The following GRM3 variants were observed in gnomAD, a reference collection of about 807,000 sequenced individuals.
GRM3 encodes the protein glutamate metabotropic receptor 3, also known as metabotropic glutamate receptor 3.
A neutral mutation model predicts 70.5 loss-of-function variants in GRM3; 26 were observed. That is an observed-to-expected ratio of 0.37 (90% CI 0.27 to 0.51). The LOEUF (loss-of-function observed/expected upper bound fraction) is 0.51. Ranked by LOEUF, GRM3 falls within the 20% of genes least tolerant of loss-of-function variation. The pLI is 0.93. For synonymous variants in GRM3, 443 were observed against 434.9 expected (o/e 1.02, Z -0.23); for missense variants, 859 against 1,123.8 (o/e 0.76, Z 3.37).
At chr7:86,665,297 A>G (rs1301797183) in intron 1 of GRM3, among the ~76,000 whole-genome samples, 1 of 152,060 alleles carries the variant, frequency 6.6e-6, no homozygotes, top group Admixed American at 6.6e-5. Flanking sequence ...AAATTTCTCC[A>G]GACTTCAATA....
chr7:86,843,003 C>T (rs1452659072), intron 4 of GRM3, among the ~76,000 whole-genome samples: 1 of 152,000 alleles, frequency 6.6e-6, no homozygotes, highest in Non-Finnish European at 1.5e-5. Flanking sequence ...AGAAGGAAGC[C>T]ATATCAGTCT....
At chr7:86,694,511 C>CAAAA (rs1226119828) in intron 1 of GRM3, among the ~76,000 whole-genome samples, 20 of 37,264 alleles carry the variant, frequency 5.4e-4, no homozygotes, top group East Asian at 1.5e-3. Flanking sequence ...GACTCTGTCT[C>CAAAA]AAAAAAAAAA....
At chr7:86,690,086 C>G (rs1372610511) in intron 1 of GRM3, among the ~76,000 whole-genome samples, 1 of 152,022 alleles carries the variant, frequency 6.6e-6, no homozygotes, top group East Asian at 1.9e-4. Context: ...GTTTCCACGA[C>G]AAACAATGAC....
intron 1 of GRM3, among the ~76,000 whole-genome samples, chr7:86,696,283 T>G (rs1156855579): frequency 6.6e-6 from 1 of 152,146 alleles, no homozygotes; most frequent in African/African-American, 2.4e-5. Context: ...ATTATCCAAG[T>G]GGGCTCAAAG....
intron 1 of GRM3, among the ~76,000 whole-genome samples, chr7:86,739,119 A>G (rs946109378): frequency 4.6e-5 from 7 of 152,152 alleles, no homozygotes; most frequent in Non-Finnish European, 7.4e-5. Flanking sequence ...CTGGGACTAC[A>G]GGCACCGCCA....
chr7:86,652,461 G>C (rs1035934910), intron 1 of GRM3, among the ~76,000 whole-genome samples: 2 of 152,128 alleles, frequency 1.3e-5, no homozygotes, highest in African/African-American at 2.4e-5. Flanking sequence ...CTCCCAAGTA[G>C]CTGGGATTAC....
At chr7:86,655,782 A>AAAC (rs1793719572) in intron 1 of GRM3, among the ~76,000 whole-genome samples, 1 of 151,760 alleles carries the variant, frequency 6.6e-6, no homozygotes, top group Admixed American at 6.6e-5. Context: ...CCTACCTGAC[A>AAAC]AACTTCACAC....
chr7:86,709,273 C>T (rs1017234028), intron 1 of GRM3, among the ~76,000 whole-genome samples: 4 of 152,012 alleles, frequency 2.6e-5, no homozygotes, highest in South Asian at 2.1e-4. Flanking sequence ...ATGAGTTCCC[C>T]TAATTCACCC....
chr7:86,701,669 G>T (rs1404737894), intron 1 of GRM3, among the ~76,000 whole-genome samples: 1 of 151,752 alleles, frequency 6.6e-6, no homozygotes, highest in Non-Finnish European at 1.5e-5. Context: ...CTTATTTATT[G>T]ACCTTCAAGT....
chr7:86,774,791 G>T (rs1441412448), intron 2 of GRM3, among the ~76,000 whole-genome samples: 1 of 152,010 alleles, frequency 6.6e-6, no homozygotes, highest in East Asian at 1.9e-4. Flanking sequence ...TGCAAACCAG[G>T]CAATTAAGCT....
chr7:86,729,968 G>A (rs879566725), intron 1 of GRM3, among the ~76,000 whole-genome samples: 5 of 151,966 alleles, frequency 3.3e-5, no homozygotes, highest in East Asian at 3.9e-4. Context: ...TTAGCCGGGC[G>A]TGGTGGCAGG....
intron 1 of GRM3, among the ~76,000 whole-genome samples, chr7:86,651,187 T>C (rs540476695): frequency 1.6e-3 from 238 of 152,326 alleles, no homozygotes; most frequent in African/African-American, 5.2e-3. Context: ...CATGAGCTTA[T>C]ACTTCTTTTC....
chr7:86,746,801 C>T (rs1247885010), intron 1 of GRM3, among the ~76,000 whole-genome samples: 1 of 151,950 alleles, frequency 6.6e-6, no homozygotes, highest in African/African-American at 2.4e-5. Flanking sequence ...TTGGAATCAG[C>T]TTTTTTGAAT....
intron 1 of GRM3, among the ~76,000 whole-genome samples, chr7:86,762,551 C>T (rs1796505363): frequency 6.6e-6 from 1 of 152,050 alleles, no homozygotes; most frequent in African/African-American, 2.4e-5. Flanking sequence ...TCCTTGGCAC[C>T]TAAAAAATTC....
chr7:86,724,150 G>T (rs1446170543), intron 1 of GRM3, among the ~76,000 whole-genome samples: 1 of 152,084 alleles, frequency 6.6e-6, no homozygotes, highest in African/African-American at 2.4e-5. Context: ...AGACACTATT[G>T]TGTATAAATC....
At chr7:86,857,131 G>GTTTTTTT (rs57272959) in intron 5 of GRM3, among the ~76,000 whole-genome samples, 1 of 142,608 alleles carries the variant, frequency 7.0e-6, no homozygotes, top group Non-Finnish European at 1.5e-5. Flanking sequence ...AAATTCAATG[G>GTTTTTTT]TTTTTTTTTT....
At position 86,786,981 on chromosome 7, in the gene GRM3, G is replaced by A. The variant is rs2116549716; in HGVS notation, c.1189G>A (p.Val397Met). The A allele has an allele frequency of 6.2e-7, 1 of 1,614,152 alleles. No individual in the cohort carries two copies. Among genetic ancestry groups the A allele is most frequent in the Middle Eastern group, 1.6e-4 (1 of 6,062 alleles). ...CAAGATCATGTTTGTGGTGAACGCG[G>A]TGTATGCCATGGCCCACGCTTTGCA... is the stretch of plus-strand genomic sequence containing the variant. ...ESKIMFVVNA[V>M]YAMAHALHKM... The change falls in exon 3 of 6, where the codon GTG becomes ATG. Residue 397 changes from valine (V) to methionine (M), a missense_variant. Val to Met is a conservative substitution (Grantham distance 21). Transcript: ENST00000361669. The surrounding 1 kb of genome is among the most constrained non-coding windows in gnomAD (Gnocchi z 6.0).
intron 3 of GRM3, among the ~76,000 whole-genome samples, chr7:86,807,669 T>C (rs562943271): frequency 1.4e-4 from 21 of 152,288 alleles, no homozygotes; most frequent in African/African-American, 5.1e-4. Context: ...GTTTTCTAAA[T>C]ATACAATCAT....
intron 1 of GRM3, among the ~76,000 whole-genome samples, chr7:86,717,125 T>C (rs1795335855): frequency 6.6e-6 from 1 of 151,984 alleles, no homozygotes; most frequent in Non-Finnish European, 1.5e-5. Flanking sequence ...ATTTGTCCCA[T>C]TATAAAATGC....
Sources: gnomAD v4.1 joint callset for allele counts (sites outside exome capture counted in the v4.1 genomes callset) on GRCh38, gnomAD v4.1.1 for gene constraint, Gnocchi (gnomAD v3.1) non-coding constraint, MANE v1.5 for transcripts, NCBI Gene and HGNC (gene_info 2026-07-23, HGNC 2026-07-21) for gene names.